Variants in MYH11 observed in about 807,000 individuals in gnomAD.
The protein encoded by MYH11 is myosin-11.
MYH11 carries 80 observed loss-of-function variants against 246.6 expected under a neutral mutation model. The observed-to-expected ratio is 0.32, with a 90% CI of 0.27 to 0.39. MYH11 has a LOEUF of 0.39. MYH11 is among the 10% of genes least tolerant of loss of function. MYH11 has a pLI of 1.00. For synonymous variants in MYH11, 1,071 were observed against 1,015.5 expected (o/e 1.05, Z -1.04); for missense variants, 2,158 against 2,546.8 (o/e 0.85, Z 3.29).
rs960296942 is a variant in MYH11 at position 15,778,819 on chromosome 16, C to T, written c.751G>A (p.Asp251Asn). 4 of 1,614,068 alleles carry T rather than the reference C, an allele frequency of 2.5e-6. No individual in the cohort carries two copies. The highest frequency in any genetic ancestry group is 2.5e-6 in the Non-Finnish European group (3 of 1,180,020). ...GCTCCCACGATGTAACCCGTGACGT[C>T]GAAGTTGATGCGGATGAATTTGCCC... The part of the protein sequence containing the change: ...RFGKFIRINF[D>N]VTGYIVGANI... The change falls in exon 7 of 41, where the codon GAC (aspartate) becomes AAC (asparagine). Residue 251 changes from aspartate to asparagine, a missense_variant. Asp to Asn is a conservative substitution (Grantham distance 23). Transcript: ENST00000300036.
chr16:15,707,871 C>G (rs1400976841), intron 40 of MYH11, among the ~76,000 whole-genome samples: 2 of 149,756 alleles, frequency 1.3e-5, no homozygotes, highest in African/African-American at 4.9e-5. Context: ...ACTCAGAAGG[C>G]TGAGGTAGGA....
At chr16:15,740,890 C>T (rs1399850151) in intron 22 of MYH11, among the ~76,000 whole-genome samples, 2 of 152,178 alleles carry the variant, frequency 1.3e-5, no homozygotes, top group Admixed American at 6.6e-5. Flanking sequence ...TCTCTCAGAT[C>T]ACTCCTTCTG....
Position 15,772,749 on chromosome 16 carries a change from A to C in MYH11, c.890-1037T>G, listed in dbSNP as rs183926694. 2.6e-5 allele frequency among the ~76,000 whole-genome samples: 4 copies of C among 152,296 alleles called. No individual in the cohort carries two copies. The East Asian group carries it at 7.7e-4, about 29-fold the overall frequency. On this transcript the variant is annotated intron_variant, in intron 8 of 40. Transcript: ENST00000300036. The stretch of plus-strand genomic sequence containing the variant: ...AGGTGAGCAGCAGGTGAGCAAGTGA[A>C]GCTTTATCCGCTATTTGCAGCTGCT...
intron 9 of MYH11, among the ~76,000 whole-genome samples, chr16:15,770,908 T>C (rs1053296673): frequency 6.6e-6 from 1 of 152,092 alleles, no homozygotes; most frequent in African/African-American, 2.4e-5. Flanking sequence ...AGAAACAATG[T>C]AGTCGAGAGA....
At chr16:15,763,741 T>TGGGGGGGGC in intron 10 of MYH11, 55 bp downstream of exon 10, 1 of 646,860 alleles carries the variant, frequency 1.5e-6, no homozygotes, top group East Asian at 3.2e-5. Flanking sequence ...AAATGTCACC[T>TGGGGGGGGC]CCCCCACCCC....
At chr16:15,706,714 AC>A (rs1251433293) in intron 40 of MYH11, among the ~76,000 whole-genome samples, 1 of 151,958 alleles carries the variant, frequency 6.6e-6, no homozygotes, top group Non-Finnish European at 1.5e-5. Flanking sequence ...AAAAAAAAAA[AC>A]AAAAAAAAAT....
At chr16:15,778,395 C>A (rs2042272407) in intron 7 of MYH11, among the ~76,000 whole-genome samples, 1 of 152,218 alleles carries the variant, frequency 6.6e-6, no homozygotes, top group South Asian at 2.1e-4. Flanking sequence ...CCTTACTCTG[C>A]ACCTCGCATG....
At chr16:15,714,639 TTCC>T (rs1200471783) in intron 40 of MYH11, 35 of 574,760 alleles carry the variant, frequency 6.1e-5, no homozygotes, top group Middle Eastern at 4.6e-4. Context: ...GGATAGCCTC[TTCC>T]TCCTCCTCAG....
intron 1 of MYH11, among the ~76,000 whole-genome samples, chr16:15,853,617 C>T (rs898259360): frequency 6.6e-6 from 1 of 152,208 alleles, no homozygotes; most frequent in African/African-American, 2.4e-5. Context: ...GCCTGCCTTT[C>T]TCTAAATTCA....
chr16:15,790,287 A>G (rs2042577701), intron 4 of MYH11, among the ~76,000 whole-genome samples: 1 of 152,096 alleles, frequency 6.6e-6, no homozygotes, highest in African/African-American at 2.4e-5. Context: ...CCTGGGCAAT[A>G]GAATGAGACT....
rs745609580 is a variant in MYH11, at chr16:15,823,342, C to T, written c.415G>A (p.Val139Ile). ...KHLPIYSEKI[V>I]DMYKGKKRHE... ...CTCTTCTTGCCCTTGTACATGTCGA[C>T]GATCTTCTCCGAGTAGATGGGCAGG... The change falls in exon 3 of 41, where the codon GTC becomes ATC. Residue 139 changes from valine (V) to isoleucine (I), a missense_variant. Physicochemically the swap from Val to Ile is conservative, Grantham distance 29. Around this residue, in one of 11 missense-constraint regions of MYH11, gnomAD observed 34 missense variants for 25.6 expected, o/e 1.33. Transcript: ENST00000300036. 28 of 1,614,092 alleles carry T rather than the reference C, an allele frequency of 1.7e-5. No homozygotes were observed. Among genetic ancestry groups the T allele is most frequent in the Non-Finnish European group, 2.3e-5 (27 of 1,180,054 alleles).
Position 15,823,360 on chromosome 16 carries a change from T to G in MYH11, c.397A>C (p.Ile133Leu), listed in dbSNP as rs2043468274. 5 of 1,614,110 alleles carry G rather than the reference T, an allele frequency of 3.1e-6. No individual in the cohort carries two copies. The East Asian group carries it at 1.1e-4, about 36-fold the overall frequency. ...ATGTCGACGATCTTCTCCGAGTAGATGGGCAGGTGTTTATAGGGGTTGACC... is the reference window on the plus strand; with the variant it reads ...ATGTCGACGATCTTCTCCGAGTAGAGGGGCAGGTGTTTATAGGGGTTGACC... Reference protein sequence around the residue: ...VVVNPYKHLPIYSEKIVDMYK... With the variant: ...VVVNPYKHLPLYSEKIVDMYK... Residue 133 changes from isoleucine to leucine, a missense_variant, in exon 3 of 41, where the codon ATC (isoleucine) becomes CTC (leucine). Around this residue, in one of 11 missense-constraint regions of MYH11, gnomAD observed 34 missense variants for 25.6 expected, o/e 1.33. Coordinates refer to ENST00000300036, the MANE Select transcript of MYH11 (RefSeq NM_002474.3).
chr16:15,721,115 C>G (rs1040043057), intron 32 of MYH11, 64 bp from the exon 33 acceptor site: 2 of 1,568,336 alleles, frequency 1.3e-6, no homozygotes, highest in African/African-American at 2.7e-5. Flanking sequence ...TTGAGAAACC[C>G]ACCGTGAGCG....
rs1729999882 is a variant in MYH11, at chr16:15,842,969, C to T, written c.-17-4700G>A. Reference sequence around the variant, plus strand: ...ATAGTAAGACCAACAGTGTCCTGCCCCTGACTCCAGTTACCCTATCTTAAA... The same window carrying T: ...ATAGTAAGACCAACAGTGTCCTGCCTCTGACTCCAGTTACCCTATCTTAAA... On this transcript the variant is annotated intron_variant, in intron 1 of 40. Coordinates refer to ENST00000300036, the MANE Select transcript of MYH11 (RefSeq NM_002474.3). 1.3e-5 allele frequency among the ~76,000 whole-genome samples: 2 copies of T among 151,976 alleles called. 1 individual carries two copies. Among genetic ancestry groups the T allele is most frequent in the Non-Finnish European group, 2.9e-5 (2 of 68,016 alleles).
rs112478964 is a variant in MYH11 at position 15,805,239 on chromosome 16, T to C, written c.503-6552A>G. Among the ~76,000 whole-genome samples, 1,397 of 152,318 alleles carry C rather than the reference T, an allele frequency of 9.2e-3. 20 individuals are homozygous for C. The highest frequency in any genetic ancestry group is 0.032 in the African/African-American group (1,310 of 41,564). ...GCATTGTGTATTTATTGTAATAATC[T>C]TTCAGCAGATGGAGGAAAAGTGCTT... On this transcript the variant is annotated intron_variant, in intron 3 of 40. Transcript: ENST00000300036.
intron 9 of MYH11, among the ~76,000 whole-genome samples, chr16:15,766,346 TGTG>T (rs1336179948): frequency 3.8e-5 from 2 of 52,974 alleles, no homozygotes; most frequent in Admixed American, 1.9e-4. Context: ...TGTTTTTTGG[TGTG>T]TGTGTGTGTG....
At chr16:15,771,408 C>T (rs1262740639) in intron 9 of MYH11, among the ~76,000 whole-genome samples, 161 bp downstream of exon 9, 3 of 151,428 alleles carry the variant, frequency 2.0e-5, no homozygotes, top group Non-Finnish European at 2.9e-5. Flanking sequence ...CACAAACAAA[C>T]CACCTAGAAT....
At chr16:15,758,288 C>T (rs987296517) in intron 12 of MYH11, among the ~76,000 whole-genome samples, 1 of 152,166 alleles carries the variant, frequency 6.6e-6, no homozygotes, top group Non-Finnish European at 1.5e-5. Flanking sequence ...ACTGCATGTA[C>T]AGATGTGGAA....
At chr16:15,839,790 C>A (rs1027715737) in intron 1 of MYH11, among the ~76,000 whole-genome samples, 1 of 152,086 alleles carries the variant, frequency 6.6e-6, no homozygotes, top group Non-Finnish European at 1.5e-5. Context: ...TGGCTCACAC[C>A]TGTAATCCCA....
Sources: allele counts gnomAD v4.1 joint callset (sites outside exome capture counted in the v4.1 genomes callset), GRCh38; gene constraint gnomAD v4.1.1; regional missense constraint gnomAD v4.1.1; transcripts MANE v1.5; gene names NCBI Gene and HGNC (gene_info 2026-07-23, HGNC 2026-07-21).